Variants in ADGRB1 observed in about 807,000 individuals in gnomAD.
ADGRB1 encodes the protein adhesion G protein-coupled receptor B1.
In ADGRB1, 36 loss-of-function variants were observed where a neutral mutation model predicts 175.7. The ratio of observed to expected loss-of-function variants is 0.20; its 90% CI spans 0.16 to 0.27. The LOEUF is 0.27. Among genes scored for constraint, ADGRB1 ranks in the 10% least tolerant of loss-of-function variants. The pLI is 1.00. For synonymous variants in ADGRB1, 1,054 were observed against 979.4 expected, an observed-to-expected ratio of 1.08 and a Z score of -1.42; for missense variants, 1,731 against 2,255.3, an observed-to-expected ratio of 0.77 and a Z score of 4.71.
At chr8:142,483,152 G>A in intron 11 of ADGRB1, among the ~76,000 whole-genome samples, 1 of 145,748 alleles carries the variant, frequency 6.9e-6, no homozygotes, top group Admixed American at 6.9e-5. Flanking sequence ...CCCTGATCCT[G>A]GTCACACGCT....
At chr8:142,478,480 G>T (rs1283214210) in intron 7 of ADGRB1, 120 bp downstream of exon 7, 1 of 1,220,224 alleles carries the variant, frequency 8.2e-7, no homozygotes, top group Non-Finnish European at 1.1e-6. Flanking sequence ...TGAGGAGGGA[G>T]TGGGGTGCAC....
At position 142,504,771 on chromosome 8, in the gene ADGRB1, G is replaced by A. The variant is rs1466729570; in HGVS notation, c.2676-6161G>A. Among the ~76,000 whole-genome samples, 1 of 152,024 alleles carries A rather than the reference G, an allele frequency of 6.6e-6. No homozygotes were observed. The highest frequency in any genetic ancestry group is 1.5e-5 in the Non-Finnish European group (1 of 67,990). ...GCGTGTTGGTTTAAGGGGCACTGGGGAGGCCAGCCCATTAAGGCTCCTGAG... is the reference window on the plus strand; with the variant it reads ...GCGTGTTGGTTTAAGGGGCACTGGGAAGGCCAGCCCATTAAGGCTCCTGAG... On this transcript the variant is annotated intron_variant, in intron 17 of 30. Transcript: ENST00000517894. This position sits in a 1 kb window ranked among gnomAD's most constrained non-coding sequence, Gnocchi z 5.6.
rs756709884 is a variant in ADGRB1, at chr8:142,488,349, T to G, written c.2309-15T>G. 1.2e-6 allele frequency: 2 copies of G among 1,612,822 alleles called. No individual in the cohort carries two copies. The highest frequency in any genetic ancestry group is 1.7e-6 in the Non-Finnish European group (2 of 1,179,728). On this transcript the variant is annotated splice_polypyrimidine_tract_variant and intron_variant, in intron 13 of 30. Coordinates refer to ENST00000517894, the MANE Select transcript of ADGRB1 (RefSeq NM_001702.3). ...CCCTCCTCTCTGTCTCTCCCGCCTT[T>G]GACCCTGCTCCCAGTTCTCAGCATC...
At chr8:142,524,195 C>A in intron 22 of ADGRB1, 43 bp from the exon 23 acceptor site, 1 of 1,576,900 alleles carries the variant, frequency 6.3e-7, no homozygotes. Flanking sequence ...CTCTGCACGC[C>A]CCTCTGCACA....
chr8:142,495,266 T>A (rs1842160557), intron 17 of ADGRB1, among the ~76,000 whole-genome samples: 1 of 148,302 alleles, frequency 6.7e-6, no homozygotes, highest in Non-Finnish European at 1.5e-5. Context: ...GTCTCATGGC[T>A]GGGTGAGTGA....
chr8:142,490,274 A>C (rs1014442926), intron 16 of ADGRB1, among the ~76,000 whole-genome samples: 6 of 152,190 alleles, frequency 3.9e-5, no homozygotes, highest in African/African-American at 1.2e-4. Flanking sequence ...CCTGAGAGCC[A>C]CCCTCAGGAG....
intron 24 of ADGRB1, among the ~76,000 whole-genome samples, chr8:142,527,452 C>T (rs1214349325): frequency 1.3e-5 from 2 of 152,170 alleles, no homozygotes; most frequent in Non-Finnish European, 1.5e-5. Context: ...AGTGAACAGA[C>T]GCTTTCAGGA....
chr8:142,525,820 G>T (rs570332133), intron 23 of ADGRB1, among the ~76,000 whole-genome samples: 1 of 152,288 alleles, frequency 6.6e-6, no homozygotes, highest in East Asian at 1.9e-4. Context: ...GCATCTTTCT[G>T]CAGAGTGGGG....
Position 142,477,184 on chromosome 8 carries a change from C to T in ADGRB1, c.1128C>T (p.Thr376=). 1 of 1,596,896 alleles carries T rather than the reference C, an allele frequency of 6.3e-7. No homozygotes were observed. Among genetic ancestry groups the T allele is most frequent in the East Asian group, 2.2e-5 (1 of 44,784 alleles). ...CSSTCGEGWQ[T]RTRFCVSSSY... ...GCACCTGCGGCGAGGGCTGGCAGAC[C>T]CGCACGCGCTTCTGCGTGTCCTCCT... The change falls in exon 5 of 31, where the codon ACC becomes ACT. Residue 376 remains threonine, a synonymous_variant. Coordinates refer to ENST00000517894, the MANE Select transcript of ADGRB1 (RefSeq NM_001702.3).
Position 142,543,735 on chromosome 8 carries a change from G to T in ADGRB1, c.4557+27G>T. ...TCTGGAGGGCAGGGAGGGGCGGGGT[G>T]GGGAGAGCCCTTAGGTCAGGCCACC... On this transcript the variant is annotated intron_variant, in intron 30 of 30. Transcript: ENST00000517894. The surrounding 1 kb of genome is among the most constrained non-coding windows in gnomAD (Gnocchi z 4.4). The T allele has an allele frequency of 6.6e-7, 1 of 1,522,036 alleles. No homozygotes were observed. The highest frequency in any genetic ancestry group is 1.2e-5 in the South Asian group (1 of 83,494). 94.3% of individuals were successfully genotyped at this position (1,522,036 alleles called of 1,614,324 possible). A position where few individuals can be genotyped will look rare whatever the true frequency, so the allele number is the denominator to read the frequency against.
At chr8:142,463,491 G>C (rs546609237) in intron 1 of ADGRB1, among the ~76,000 whole-genome samples, 1 of 152,254 alleles carries the variant, frequency 6.6e-6, no homozygotes, top group Non-Finnish European at 1.5e-5. Flanking sequence ...CCCTTCCCAC[G>C]GGGTTTGCAG....
intron 17 of ADGRB1, among the ~76,000 whole-genome samples, chr8:142,496,167 G>A (rs972471149): frequency 5.3e-5 from 8 of 151,652 alleles, no homozygotes; most frequent in African/African-American, 1.9e-4. Context: ...GTGGATGGGT[G>A]CGTGAATGAC....
chr8:142,536,455 C>G (rs1190825506), intron 25 of ADGRB1, among the ~76,000 whole-genome samples: 1 of 152,190 alleles, frequency 6.6e-6, no homozygotes, highest in Non-Finnish European at 1.5e-5. Flanking sequence ...CCACTGTCCC[C>G]CCTGAAGAGT....
At chr8:142,526,777 A>G in intron 24 of ADGRB1, 150 bp downstream of exon 24, 1 of 770,468 alleles carries the variant, frequency 1.3e-6, no homozygotes, top group Non-Finnish European at 2.2e-6. Context: ...CACTGAGTAC[A>G]GAGGCCCCTT....
At chr8:142,513,921 G>T (rs1044345871) in intron 18 of ADGRB1, among the ~76,000 whole-genome samples, 1 of 152,102 alleles carries the variant, frequency 6.6e-6, no homozygotes, top group Non-Finnish European at 1.5e-5. Flanking sequence ...TACTCCAGGG[G>T]CGTGAGGAGC....
chr8:142,460,692 G>A (rs1008648093), intron 1 of ADGRB1, among the ~76,000 whole-genome samples: 5 of 152,146 alleles, frequency 3.3e-5, no homozygotes, highest in South Asian at 4.1e-4. Context: ...GGGCAGTTGC[G>A]CTGCCTGGCC....
chr8:142,507,385 C>G (rs1211821298), intron 17 of ADGRB1, among the ~76,000 whole-genome samples: 4 of 152,222 alleles, frequency 2.6e-5, no homozygotes, highest in Admixed American at 6.5e-5. Context: ...GATCCAGGCC[C>G]TTACAGAATG....
In ADGRB1 at chr8:142,544,678, C is replaced by A; in HGVS notation, c.*261C>A. 8.6e-6 allele frequency: 3 copies of A among 349,808 alleles called. No individual in the cohort carries two copies. Among genetic ancestry groups the A allele is most frequent in the Non-Finnish European group, 1.0e-5 (2 of 197,198 alleles). The allele number at this position is 349,808 out of a possible 1,614,324, so 21.7% of individuals were successfully genotyped here. A position where few individuals can be genotyped will look rare whatever the true frequency, so the allele number is the denominator to read the frequency against. On this transcript the variant is annotated 3_prime_UTR_variant, in exon 31 of 31. Transcript: ENST00000517894. Reference sequence around the variant, plus strand: ...ACTCCGCCCTCCTCGGGCCGAGGCCCAGCGGGCAGATGGGCGGACGGCTGT... The same window carrying A: ...ACTCCGCCCTCCTCGGGCCGAGGCCAAGCGGGCAGATGGGCGGACGGCTGT...
rs1840159621 is a variant in ADGRB1, at chr8:142,464,665, T to C, written c.467T>C (p.Leu156Pro). Residue 156 changes from leucine to proline, a missense_variant, in exon 2 of 31, where the codon CTC becomes CCC. Coordinates refer to ENST00000517894, the MANE Select transcript of ADGRB1 (RefSeq NM_001702.3). ...CAGCAGCCGCCCCAGCACGACGGGC[T>C]CCGGCCCCGGGCCGGGCCGCCGGGC... Reference protein sequence around the residue: ...RRQQPPQHDGLRPRAGPPGPT... With the variant: ...RRQQPPQHDGPRPRAGPPGPT... The C allele has an allele frequency of 6.6e-7, 1 of 1,522,446 alleles. No homozygotes were observed. Among genetic ancestry groups the C allele is most frequent in the Non-Finnish European group, 8.8e-7 (1 of 1,140,768 alleles). 94.3% of individuals were successfully genotyped at this position (1,522,446 alleles called of 1,614,324 possible).
Sources: allele counts gnomAD v4.1 joint callset (sites outside exome capture counted in the v4.1 genomes callset), GRCh38; gene constraint gnomAD v4.1.1; non-coding constraint Gnocchi (gnomAD v3.1); transcripts MANE v1.5; gene names NCBI Gene and HGNC (gene_info 2026-07-23, HGNC 2026-07-21).